The following FBXL5 variants were observed in gnomAD, a reference collection of about 807,000 sequenced individuals.
FBXL5 encodes the protein F-box and leucine rich repeat protein 5.
In FBXL5, 26 loss-of-function variants were observed where a neutral mutation model predicts 78.3. The observed-to-expected ratio is 0.33, with a 90% CI of 0.24 to 0.46. The LOEUF (loss-of-function observed/expected upper bound fraction) is 0.46. FBXL5 is among the 20% of genes least tolerant of loss of function. The pLI is 1.00. For missense variants in FBXL5, 710 were observed against 829.2 expected (o/e 0.86, Z 1.77); for synonymous variants, 295 against 282.5 (o/e 1.04, Z -0.45).
rs1718101356 is a variant in FBXL5, at chr4:15,679,099, T to C, written c.-284+2284A>G. Reference sequence around the variant, plus strand: ...TTTTTTTTTTGAGACGGAGTCTCACTCTCACCAGGCTGGAGTGCAGCGGCG... The same window carrying C: ...TTTTTTTTTTGAGACGGAGTCTCACCCTCACCAGGCTGGAGTGCAGCGGCG... On this transcript the variant is annotated intron_variant, in intron 1 of 4. Coordinates refer to the FBXL5 transcript ENST00000507899. Among the ~76,000 whole-genome samples, 4 of 141,448 alleles carry C rather than the reference T, an allele frequency of 2.8e-5. No individual in the cohort carries two copies. In the Admixed American group the frequency reaches 3.0e-4, roughly 11 times the overall value. The allele number at this position is 141,448 out of a possible 152,430, so 92.8% of individuals were successfully genotyped here.
upstream of FBXL5, among the ~76,000 whole-genome samples, chr4:15,661,835 G>A (rs145999090): frequency 2.5e-4 from 38 of 152,290 alleles, no homozygotes; most frequent in Non-Finnish European, 4.7e-4. Context: ...CTAAAGCTGC[G>A]ATCATCCGAT....
intron 2 of FBXL5, among the ~76,000 whole-genome samples, chr4:15,643,865 C>A (rs927963590): frequency 2.0e-5 from 3 of 152,202 alleles, no homozygotes; most frequent in African/African-American, 7.2e-5. Flanking sequence ...ATAATTAAAA[C>A]TTCGACTTAC....
intron 3 of FBXL5, 119 bp downstream of exon 3, chr4:15,640,669 C>A (rs1426880993): frequency 2.1e-6 from 1 of 474,700 alleles, no homozygotes; most frequent in Non-Finnish European, 3.8e-6. Flanking sequence ...AAAAGAACTG[C>A]GTTCTTCTCT....
In FBXL5 at chr4:15,625,812, C is replaced by T. The variant is rs77675463; in HGVS notation, c.1290G>A (p.Ala430=). The change falls in exon 9 of 11, where the codon GCG becomes GCA. Residue 430 remains alanine (A), a synonymous_variant. Transcript: ENST00000341285. ...KTSTSKITST[A]WKNKDITMQS... is the part of the protein sequence containing the mutation. ...GCATGGTAATGTCTTTATTTTTCCA[C>T]GCAGTTGAAGTAATTTTGCTTGTAG... is the stretch of plus-strand genomic sequence containing the variant. 1,573 of 1,614,010 alleles carry T rather than the reference C, an allele frequency of 9.7e-4. 12 individuals are homozygous for T. In the African/African-American group the frequency reaches 0.018, roughly 19 times the overall value.
chr4:15,636,462 C>T, intron 5 of FBXL5, 32 bp downstream of exon 5: 1 of 1,444,982 alleles, frequency 6.9e-7, no homozygotes, highest in Non-Finnish European at 9.2e-7. Flanking sequence ...TAGAAAAATA[C>T]ATGAAAATAT....
At chr4:15,652,934 G>A (rs1383961264) in intron 1 of FBXL5, among the ~76,000 whole-genome samples, 1 of 152,178 alleles carries the variant, frequency 6.6e-6, no homozygotes, top group Non-Finnish European at 1.5e-5. Flanking sequence ...ATGGCAAAAC[G>A]TGAGATGATA....
At chr4:15,664,255 C>G (rs1459461205), upstream of FBXL5, among the ~76,000 whole-genome samples, 1 of 152,110 alleles carries the variant, frequency 6.6e-6, no homozygotes, top group Non-Finnish European at 1.5e-5. Context: ...TAATACAGAC[C>G]TAGTATGGGC....
intron 5 of FBXL5, 60 bp downstream of exon 5, chr4:15,636,434 T>C (rs1385477369): frequency 7.5e-7 from 1 of 1,328,320 alleles, no homozygotes; most frequent in South Asian, 1.6e-5. Flanking sequence ...TGCTCATTAA[T>C]GTAAATGAAT....
In FBXL5 at chr4:15,644,689, G is replaced by C; in HGVS notation, c.104C>G (p.Ser35Cys). 1 of 1,606,988 alleles carries C rather than the reference G, an allele frequency of 6.2e-7. No homozygotes were observed. ...YCDKLSKTNF[S>C]NNNDFRALLQ... ...AAGAGCACGGAAATCGTTGTTGTTGGAAAAATTGGTTTTAGAAAGCTGAAT... is the reference window on the plus strand; with the variant it reads ...AAGAGCACGGAAATCGTTGTTGTTGCAAAAATTGGTTTTAGAAAGCTGAAT... The change falls in exon 2 of 11, where the codon TCC (serine) becomes TGC (cysteine). Residue 35 changes from serine (S) to cysteine (C), a missense_variant. Ser to Cys is a moderately radical substitution (Grantham distance 112). Transcript: ENST00000341285.
At chr4:15,659,490 A>G (rs1484384266), upstream of FBXL5, among the ~76,000 whole-genome samples, 1 of 152,170 alleles carries the variant, frequency 6.6e-6, no homozygotes, top group Non-Finnish European at 1.5e-5. Flanking sequence ...CAGATTTCTA[A>G]TTCCTTCTAC....
intron 1 of FBXL5, among the ~76,000 whole-genome samples, chr4:15,646,545 TTTA>T (rs1209310237): frequency 6.6e-6 from 1 of 151,694 alleles, no homozygotes; most frequent in African/African-American, 2.4e-5. Flanking sequence ...CTAAATATTT[TTTA>T]TTATTATTAT....
At chr4:15,663,646 G>C (rs149182716), upstream of FBXL5, among the ~76,000 whole-genome samples, 147 of 152,262 alleles carry the variant, frequency 9.7e-4, 1 homozygote, top group African/African-American at 3.4e-3. Flanking sequence ...CTGTGGTGGA[G>C]ATTAAATGAG....
intron 3 of FBXL5, among the ~76,000 whole-genome samples, chr4:15,639,595 G>A (rs1395813380): frequency 1.3e-5 from 2 of 152,154 alleles, no homozygotes; most frequent in East Asian, 3.8e-4. Flanking sequence ...TGGAAACAAG[G>A]CTTTTTTTGT....
chr4:15,615,437 A>G (rs1479704371), intron 9 of FBXL5, among the ~76,000 whole-genome samples: 2 of 114,688 alleles, frequency 1.7e-5, no homozygotes, highest in African/African-American at 3.3e-5. Flanking sequence ...AAACACACCA[A>G]TCAGCACCCT....
chr4:15,640,715 G>A (rs1714773821), intron 3 of FBXL5, 73 bp downstream of exon 3: 1 of 756,776 alleles, frequency 1.3e-6, no homozygotes, highest in South Asian at 2.0e-5. Flanking sequence ...GCATTATTTT[G>A]AAGAGTCTCT....
At chr4:15,612,011 T>G (rs999901492) in intron 10 of FBXL5, 7 of 306,240 alleles carry the variant, frequency 2.3e-5, no homozygotes, top group Middle Eastern at 9.4e-4. Flanking sequence ...CTTACCATTT[T>G]TGATTACACT....
chr4:15,667,207 A>G (rs1004333332), intron 1 of FBXL5, among the ~76,000 whole-genome samples: 3 of 152,206 alleles, frequency 2.0e-5, no homozygotes, highest in Non-Finnish European at 2.9e-5. Flanking sequence ...CTCTTTCACT[A>G]AACAGCCACA....
chr4:15,636,236 ATT>A, intron 5 of FBXL5: 1 of 329,526 alleles, frequency 3.0e-6, no homozygotes, highest in Non-Finnish European at 5.5e-6. Context: ...ATAATTATCA[ATT>A]TTGTCAATCT....
At chr4:15,649,796 C>A (rs894032976) in intron 1 of FBXL5, among the ~76,000 whole-genome samples, 2 of 151,944 alleles carry the variant, frequency 1.3e-5, no homozygotes, top group Non-Finnish European at 2.9e-5. Flanking sequence ...ATATTTAATT[C>A]TTAAAACAAC....
Sources: gnomAD v4.1 joint callset for allele counts (sites outside exome capture counted in the v4.1 genomes callset) on GRCh38, gnomAD v4.1.1 for gene constraint, MANE v1.5 for transcripts, NCBI Gene and HGNC (gene_info 2026-07-23, HGNC 2026-07-21) for gene names.